POTEH: variants seen among roughly 807,000 people sequenced by gnomAD.
POTEH encodes ANKRD26-like family C member 3.
Under a neutral mutation model 41.7 loss-of-function variants are expected in POTEH, and 6 were observed. The observed-to-expected ratio is 0.14, with a 90% CI of 0.08 to 0.28. The LOEUF (loss-of-function observed/expected upper bound fraction) is 0.28, where lower values mean the gene tolerates loss of function less well. POTEH is among the 10% of genes least tolerant of loss of function. POTEH has a pLI of 1.00. For synonymous variants in POTEH, 38 were observed against 179.9 expected, an observed-to-expected ratio of 0.21 and a Z score of 6.31; for missense variants, 115 against 533.5, an observed-to-expected ratio of 0.22 and a Z score of 7.73.
At chr22:15,715,644 A>C in intron 9 of POTEH, among the ~76,000 whole-genome samples, 1 of 50,528 alleles carries the variant, frequency 2.0e-5, no homozygotes, top group Non-Finnish European at 4.2e-5. Context: ...ACCTGAGGAG[A>C]TGGGATTACA....
chr22:15,692,373 C>A (rs1382574534), intron 1 of POTEH, among the ~76,000 whole-genome samples: 1 of 146,974 alleles, frequency 6.8e-6, no homozygotes, highest in Non-Finnish European at 1.5e-5. Flanking sequence ...TACCAGTGAC[C>A]TATGTGCATA....
intron 1 of POTEH, among the ~76,000 whole-genome samples, chr22:15,691,921 T>G (rs1989323298): frequency 6.8e-6 from 1 of 147,338 alleles, no homozygotes; most frequent in African/African-American, 2.4e-5. Context: ...ATTAAAAATT[T>G]TAAATATACA....
intron 9 of POTEH, among the ~76,000 whole-genome samples, chr22:15,711,373 G>A (rs1327141419): frequency 6.6e-6 from 1 of 151,972 alleles, no homozygotes; most frequent in Non-Finnish European, 1.5e-5. Flanking sequence ...ATACTCGAAT[G>A]GTAGTTTTTT....
intron 9 of POTEH, among the ~76,000 whole-genome samples, chr22:15,714,449 TTC>T (rs201918119): frequency 0.019 from 2,841 of 146,214 alleles, no homozygotes; most frequent in South Asian, 0.088. Flanking sequence ...CTGCTTAAAC[TTC>T]TGTTTCTTAT....
intron 8 of POTEH, among the ~76,000 whole-genome samples, chr22:15,710,250 C>A (rs1362961641): frequency 6.6e-6 from 1 of 152,302 alleles, no homozygotes; most frequent in Non-Finnish European, 1.5e-5. Flanking sequence ...TGTACCTCAG[C>A]AGTTTCACTC....
intron 1 of POTEH, among the ~76,000 whole-genome samples, chr22:15,693,537 GT>G (rs1389516138): frequency 2.0e-5 from 3 of 149,760 alleles, no homozygotes. Context: ...AATCATTTTA[GT>G]TGAGTTATAT....
At chr22:15,691,043 T>C (rs1989295180) in intron 1 of POTEH, among the ~76,000 whole-genome samples, 1 of 143,342 alleles carries the variant, frequency 7.0e-6, no homozygotes, top group African/African-American at 2.5e-5. Context: ...AAGTGTATAT[T>C]GAGAACTAAG....
At chr22:15,714,461 T>C (rs1272097362) in intron 9 of POTEH, among the ~76,000 whole-genome samples, 1 of 151,974 alleles carries the variant, frequency 6.6e-6, no homozygotes, top group African/African-American at 2.4e-5. Context: ...CTGTTTCTTA[T>C]CTCTTTTGCT....
intron 9 of POTEH, among the ~76,000 whole-genome samples, chr22:15,713,965 T>A (rs1989876107): frequency 1.3e-5 from 2 of 152,150 alleles, no homozygotes; most frequent in Admixed American, 6.5e-5. Context: ...AGCTGTTGAG[T>A]ATCACACACT....
At chr22:15,693,565 A>G in intron 1 of POTEH, among the ~76,000 whole-genome samples, 1 of 142,866 alleles carries the variant, frequency 7.0e-6, no homozygotes, top group South Asian at 2.5e-4. Flanking sequence ...GAAAATTAAA[A>G]TAGCAAATAT....
intron 1 of POTEH, among the ~76,000 whole-genome samples, chr22:15,691,127 A>G (rs1989297979): frequency 7.0e-6 from 1 of 142,464 alleles, no homozygotes; most frequent in South Asian, 2.2e-4. Context: ...TTTTATATCA[A>G]TGTACACTAT....
chr22:15,698,038 G>A (rs1273071733), intron 3 of POTEH, among the ~76,000 whole-genome samples: 1 of 150,260 alleles, frequency 6.7e-6, no homozygotes, highest in Non-Finnish European at 1.5e-5. Flanking sequence ...TTAAAACCAT[G>A]GAGTTATTAA....
chr22:15,691,783 G>A (rs1387203129), intron 1 of POTEH, among the ~76,000 whole-genome samples: 8 of 148,702 alleles, frequency 5.4e-5, no homozygotes, highest in South Asian at 4.3e-4. Flanking sequence ...TAGAAATACC[G>A]AAATATATGT....
chr22:15,692,450 A>G (rs1989344368), intron 1 of POTEH, among the ~76,000 whole-genome samples: 2 of 147,144 alleles, frequency 1.4e-5, no homozygotes, highest in Non-Finnish European at 3.0e-5. Flanking sequence ...ACTGTTTTCT[A>G]TTTAAGTTAG....
intron 8 of POTEH, among the ~76,000 whole-genome samples, chr22:15,710,448 C>T (rs1416130954): frequency 6.6e-6 from 1 of 151,650 alleles, no homozygotes; most frequent in Non-Finnish European, 1.5e-5. Context: ...TCTAAAATGA[C>T]TGTTTAATGT....
At chr22:15,692,009 A>ATATATATATAAAC (rs1421248855) in intron 1 of POTEH, among the ~76,000 whole-genome samples, 1 of 128,570 alleles carries the variant, frequency 7.8e-6, no homozygotes. Flanking sequence ...TATATATATA[A>ATATATATATAAAC]ATTTCTTTTT....
At chr22:15,705,565 CT>C (rs1989651417) in intron 6 of POTEH, among the ~76,000 whole-genome samples, 1 of 147,206 alleles carries the variant, frequency 6.8e-6, no homozygotes. Context: ...ATGAGAAAGG[CT>C]TGGGGGACAG....
At chr22:15,713,845 C>T (rs1243295983) in intron 9 of POTEH, among the ~76,000 whole-genome samples, 1 of 152,412 alleles carries the variant, frequency 6.6e-6, no homozygotes, top group East Asian at 1.9e-4. Flanking sequence ...TTTCCAAATG[C>T]ATGTCTCCAA....
At position 15,690,293 on chromosome 22, in the gene POTEH, C is replaced by G. The variant is rs1460137483; in HGVS notation, c.216C>G (p.Cys72Trp). 1.4e-6 allele frequency: 2 copies of G among 1,422,282 alleles called. No homozygotes were observed. The highest frequency in any genetic ancestry group is 9.7e-7 in the Non-Finnish European group (1 of 1,029,210). The allele number at this position is 1,422,282 out of a possible 1,614,324, so 88.1% of individuals were successfully genotyped here. A position where few individuals can be genotyped will look rare whatever the true frequency, so the allele number is the denominator to read the frequency against. ...GGTGCTGCCACTGCTTCCCCTGGTGCAGGGGGAGCGGCAAGAGCAACGTGG... is the reference window on the plus strand; with the variant it reads ...GGTGCTGCCACTGCTTCCCCTGGTGGAGGGGGAGCGGCAAGAGCAACGTGG... The part of the protein sequence containing the change: ...GKWCCHCFPW[C>W]RGSGKSNVGT... Residue 72 changes from cysteine to tryptophan, a missense_variant, in exon 1 of 11, where the codon TGC (cysteine) becomes TGG (tryptophan). Physicochemically the swap from Cys to Trp is radical, Grantham distance 215. Transcript: ENST00000343518.
Sources: gnomAD v4.1 joint callset for allele counts (sites outside exome capture counted in the v4.1 genomes callset) on GRCh38, gnomAD v4.1.1 for gene constraint, MANE v1.5 for transcripts, NCBI Gene and HGNC (gene_info 2026-07-23, HGNC 2026-07-21) for gene names.